The following NUP210L variants were observed in gnomAD, a reference collection of about 807,000 sequenced individuals.
NUP210L encodes the protein nuclear pore membrane glycoprotein 210-like.
NUP210L carries 74 observed loss-of-function variants against 208.5 expected under a neutral mutation model. The observed-to-expected ratio is 0.35, with a 90% CI of 0.29 to 0.43. NUP210L has a LOEUF of 0.43. Ranked by LOEUF, NUP210L falls within the 20% of genes least tolerant of loss-of-function variation. The pLI is 1.00. For missense variants in NUP210L, 1,843 were observed against 2,289.4 expected (o/e 0.81, Z 3.98); for synonymous variants, 780 against 816.9 (o/e 0.95, Z 0.77).
chr1:153,994,714 G>A (rs1264615655), intron 38 of NUP210L, among the ~76,000 whole-genome samples: 1 of 151,812 alleles, frequency 6.6e-6, no homozygotes, highest in Non-Finnish European at 1.5e-5. Flanking sequence ...ATCCTTATTT[G>A]TGAAATAAGG....
At chr1:154,123,238 C>G (rs1571300643) in intron 10 of NUP210L, among the ~76,000 whole-genome samples, 3 of 152,080 alleles carry the variant, frequency 2.0e-5, no homozygotes, top group African/African-American at 7.2e-5. Flanking sequence ...CTCCGCCTCC[C>G]AGGTTCAAGC....
At chr1:154,000,934 AAAC>A in exon 37 of NUP210L, 1 of 1,614,188 alleles carries the variant, frequency 6.2e-7, no homozygotes, top group Non-Finnish European at 8.5e-7. Context: ...ATATTGATGA[AAAC>A]AGGTGATGCC....
At position 154,140,666 on chromosome 1, in the gene NUP210L, C is replaced by CAAAAAAAAAAAAAAAAAAAAAAAAAAAAA. The variant is rs1434093544; in HGVS notation, c.567-715_567-714insTTTTTTTTTTTTTTTTTTTTTTTTTTTTT. Among the ~76,000 whole-genome samples, 17 of 102,460 alleles carry CAAAAAAAAAAAAAAAAAAAAAAAAAAAAA rather than the reference C, an allele frequency of 1.7e-4. 1 individual carries two copies. The highest frequency in any genetic ancestry group is 3.1e-4 in the Non-Finnish European group (14 of 45,228). The allele number at this position is 102,460 out of a possible 152,430, so 67.2% of individuals were successfully genotyped here. A position where few individuals can be genotyped will look rare whatever the true frequency, so the allele number is the denominator to read the frequency against. ...TGAGTGACAGAGCAAGACTCCATCTCAAAAAAAAAAACAGAAAAAGAAAAG... is the reference window on the plus strand; with the variant it reads ...TGAGTGACAGAGCAAGACTCCATCTCAAAAAAAAAAAAAAAAAAAAAAAAAAAAAAAAAAAAAAAACAGAAAAAGAAAAG... On this transcript the variant is annotated intron_variant, in intron 4 of 39. Coordinates refer to ENST00000368559, the Ensembl canonical transcript of NUP210L.
At chr1:154,055,913 G>A (rs1653840869) in intron 23 of NUP210L, among the ~76,000 whole-genome samples, 1 of 151,960 alleles carries the variant, frequency 6.6e-6, no homozygotes, top group Non-Finnish European at 1.5e-5. Context: ...AGAACAGCTG[G>A]GCTGGCGCAG....
intron 2 of NUP210L, among the ~76,000 whole-genome samples, chr1:154,146,972 T>C (rs949100148): frequency 2.6e-5 from 4 of 151,968 alleles, no homozygotes; most frequent in Non-Finnish European, 5.9e-5. Flanking sequence ...TATAGGCGCA[T>C]GCCACCGCAC....
chr1:154,046,263 G>A (rs1271690702), intron 26 of NUP210L, 26 bp downstream of exon 26: 2 of 1,613,740 alleles, frequency 1.2e-6, no homozygotes, highest in African/African-American at 1.3e-5. Flanking sequence ...AGAATAATGA[G>A]CCCTGAACAG....
At chr1:154,131,124 T>C (rs1188911909) in intron 7 of NUP210L, among the ~76,000 whole-genome samples, 3 of 151,162 alleles carry the variant, frequency 2.0e-5, no homozygotes, top group Non-Finnish European at 4.4e-5. Context: ...TACAAAAAAT[T>C]AGCCAGGCGT....
chr1:154,129,486 A>G (rs771287510), intron 7 of NUP210L, 141 bp from the exon 8 acceptor site: 129 of 622,786 alleles, frequency 2.1e-4, no homozygotes, highest in Admixed American at 1.1e-3. Flanking sequence ...TGGAAAGCCA[A>G]AACTTAAATG....
At chr1:154,025,223 C>T (rs1450526588) in intron 30 of NUP210L, among the ~76,000 whole-genome samples, 1 of 152,018 alleles carries the variant, frequency 6.6e-6, no homozygotes, top group Non-Finnish European at 1.5e-5. Flanking sequence ...CCACCGTGCC[C>T]GGCCAGGCTG....
At chr1:154,151,173 A>G (rs1283519814) in intron 2 of NUP210L, among the ~76,000 whole-genome samples, 1 of 151,626 alleles carries the variant, frequency 6.6e-6, no homozygotes, top group East Asian at 1.9e-4. Flanking sequence ...ATGTGACCAA[A>G]TCAATGTTTT....
At chr1:154,110,367 G>A (rs1656981251) in intron 12 of NUP210L, among the ~76,000 whole-genome samples, 1 of 149,214 alleles carries the variant, frequency 6.7e-6, no homozygotes. Context: ...CACCTCCTGG[G>A]TTCAAGCAAT....
chr1:154,115,651 AT>A (rs1277383715), intron 12 of NUP210L, among the ~76,000 whole-genome samples: 3 of 152,168 alleles, frequency 2.0e-5, no homozygotes, highest in Admixed American at 2.0e-4. Context: ...TTTTCTTAAA[AT>A]GTTATTTGAC....
chr1:154,068,747 T>C (rs1654541132), intron 17 of NUP210L, among the ~76,000 whole-genome samples: 1 of 151,852 alleles, frequency 6.6e-6, no homozygotes, highest in South Asian at 2.1e-4. Flanking sequence ...ACACCACATA[T>C]TCTCACTCAT....
At chr1:154,056,753 GAA>G in intron 23 of NUP210L, 60 bp downstream of exon 23, 1 of 1,495,424 alleles carries the variant, frequency 6.7e-7, no homozygotes. Flanking sequence ...TAAACTAACA[GAA>G]AAAGACAAAT....
chr1:154,107,473 C>CAAA (rs60482405), intron 12 of NUP210L, among the ~76,000 whole-genome samples: 2 of 95,304 alleles, frequency 2.1e-5, no homozygotes, highest in Non-Finnish European at 2.1e-5. Context: ...GACTCCGTCT[C>CAAA]AAAAAAAAAA....
exon 7 of NUP210L, chr1:154,135,951 T>C (rs377520041): frequency 2.5e-6 from 4 of 1,606,362 alleles, no homozygotes; most frequent in Non-Finnish European, 3.4e-6. Context: ...CAGTATATAA[T>C]GTTCCAGGGG....
intron 17 of NUP210L, among the ~76,000 whole-genome samples, chr1:154,064,173 C>G (rs1654280920): frequency 1.3e-5 from 2 of 151,884 alleles, no homozygotes; most frequent in Non-Finnish European, 1.5e-5. Context: ...GCTGGGATTA[C>G]AGGCATGAGC....
chr1:154,097,038 C>A (rs1656214280), intron 14 of NUP210L, among the ~76,000 whole-genome samples: 1 of 151,956 alleles, frequency 6.6e-6, no homozygotes, highest in Non-Finnish European at 1.5e-5. Context: ...TGCACCACTG[C>A]ATTCCAGCTG....
At chr1:154,068,832 G>A (rs199799746) in intron 17 of NUP210L, among the ~76,000 whole-genome samples, 1 of 152,108 alleles carries the variant, frequency 6.6e-6, no homozygotes, top group Non-Finnish European at 1.5e-5. Flanking sequence ...TTGTGGGGTG[G>A]GGGAAGGGGG....
Sources: allele counts gnomAD v4.1 joint callset (sites outside exome capture counted in the v4.1 genomes callset), GRCh38; gene constraint gnomAD v4.1.1; transcripts MANE v1.5; gene names NCBI Gene and HGNC (gene_info 2026-07-23, HGNC 2026-07-21).